Variants in MSH3 observed in about 807,000 individuals in gnomAD.
The protein encoded by MSH3 is DNA mismatch repair protein Msh3.
Under a neutral mutation model 123.3 loss-of-function variants are expected in MSH3, and 106 were observed. That is an observed-to-expected ratio of 0.86 (90% confidence interval 0.73 to 1.01). MSH3 has a LOEUF of 1.01. Among genes scored for constraint, MSH3 ranks in the 50% least tolerant of loss-of-function variants. MSH3 has a pLI of 0.00. For synonymous variants in MSH3, 515 were observed against 481.4 expected, an observed-to-expected ratio of 1.07 and a Z score of -0.91; for missense variants, 1,459 against 1,347.6, an observed-to-expected ratio of 1.08 and a Z score of -1.29.
intron 13 of MSH3, 126 bp from the exon 14 acceptor site, chr5:80,767,807 T>G: frequency 2.9e-6 from 2 of 688,662 alleles, no homozygotes. Flanking sequence ...GATATTTTAT[T>G]TCAACTAACT....
intron 10 of MSH3, among the ~76,000 whole-genome samples, chr5:80,731,194 T>G (rs1241267577): frequency 6.6e-6 from 1 of 152,102 alleles, no homozygotes; most frequent in Non-Finnish European, 1.5e-5. Context: ...TGAGCCACCG[T>G]GTCCGGCCTG....
At chr5:80,699,700 A>G (rs1359415858) in intron 8 of MSH3, among the ~76,000 whole-genome samples, 3 of 152,104 alleles carry the variant, frequency 2.0e-5, no homozygotes, top group Admixed American at 6.5e-5. Flanking sequence ...TGGAAAGATC[A>G]TATTGATTTC....
chr5:80,718,162 AAT>A (rs1476035623), intron 8 of MSH3, among the ~76,000 whole-genome samples: 1 of 152,220 alleles, frequency 6.6e-6, no homozygotes, highest in African/African-American at 2.4e-5. Flanking sequence ...CCCTCAGAGG[AAT>A]CATGATCCTG....
chr5:80,869,825 C>T (rs996783837), intron 22 of MSH3, among the ~76,000 whole-genome samples: 20 of 86,914 alleles, frequency 2.3e-4, no homozygotes, highest in Non-Finnish European at 1.9e-4. Context: ...TATATATATA[C>T]ATATATACAT....
chr5:80,714,427 C>T (rs1003104350), intron 8 of MSH3, among the ~76,000 whole-genome samples: 4 of 152,054 alleles, frequency 2.6e-5, no homozygotes, highest in South Asian at 2.1e-4. Flanking sequence ...TGAGCCACCA[C>T]GTCTGGCCCA....
chr5:80,873,045 A>G, intron 22 of MSH3, 71 bp from the exon 23 acceptor site: 4 of 1,309,216 alleles, frequency 3.1e-6, no homozygotes, highest in Middle Eastern at 1.8e-4. Context: ...GAGAACTTAC[A>G]TGTCCTTTTT....
chr5:80,864,776 AAAATG>A (rs75012952), intron 21 of MSH3, 32 bp from the exon 22 acceptor site: 1 of 1,374,414 alleles, frequency 7.3e-7, no homozygotes, highest in African/African-American at 1.4e-5. Flanking sequence ...ATAAAATTTA[AAAATG>A]AAATAACATT....
chr5:80,804,048 G>A lies in MSH3; in HGVS notation c.2656-9536G>A, dbSNP rs546584342. ...GCTTTGGCTATTCAGATCCTTTTGTGTTTCCATATAAATTTTAGGATTATT... is the reference window on the plus strand; with the variant it reads ...GCTTTGGCTATTCAGATCCTTTTGTATTTCCATATAAATTTTAGGATTATT... On this transcript the variant is annotated intron_variant, in intron 19 of 23. Transcript: ENST00000265081. Among the ~76,000 whole-genome samples the A allele has an allele frequency of 5.9e-5, 9 of 152,204 alleles. No individual in the cohort carries two copies. The South Asian group carries it at 1.9e-3, about 32-fold the overall frequency.
chr5:80,779,228 A>G (rs900928687), intron 17 of MSH3, among the ~76,000 whole-genome samples: 4 of 151,966 alleles, frequency 2.6e-5, no homozygotes, highest in Admixed American at 6.6e-5. Context: ...CCTGACCTCA[A>G]GTGATCCGCC....
chr5:80,743,097 G>A (rs1743646836), intron 11 of MSH3, among the ~76,000 whole-genome samples: 1 of 152,054 alleles, frequency 6.6e-6, no homozygotes. Flanking sequence ...ATGGAAAGAG[G>A]TGCAGGGTAG....
intron 20 of MSH3, among the ~76,000 whole-genome samples, chr5:80,828,000 C>T (rs917409481): frequency 1.3e-5 from 2 of 152,156 alleles, no homozygotes; most frequent in Non-Finnish European, 2.9e-5. Context: ...CAGCCTCCCC[C>T]ATTTTCAGCA....
intron 19 of MSH3, among the ~76,000 whole-genome samples, chr5:80,808,873 A>ATATATATATATATATATATATATATG (rs754318556): frequency 2.2e-5 from 3 of 137,038 alleles, no homozygotes; most frequent in African/African-American, 5.4e-5. Flanking sequence ...ATATATATAT[A>ATATATATATATATATATATATATATG]TATATATATA....
At chr5:80,680,202 A>G (rs1749944451) in intron 8 of MSH3, among the ~76,000 whole-genome samples, 1 of 151,868 alleles carries the variant, frequency 6.6e-6, no homozygotes, top group Non-Finnish European at 1.5e-5. Context: ...AGAGGTTGCA[A>G]TGAGCCAAGA....
chr5:80,759,446 C>T (rs1442283825), intron 12 of MSH3, among the ~76,000 whole-genome samples: 1 of 152,166 alleles, frequency 6.6e-6, no homozygotes, highest in African/African-American at 2.4e-5. Flanking sequence ...ATGAGAAAGC[C>T]TCCATGTCAG....
intron 21 of MSH3, among the ~76,000 whole-genome samples, chr5:80,858,721 T>C (rs2112111628): frequency 6.6e-6 from 1 of 152,276 alleles, no homozygotes; most frequent in African/African-American, 2.4e-5. Flanking sequence ...TGATGTCTAG[T>C]TGATTGATGG....
In MSH3 at chr5:80,675,176, T is replaced by C. The variant is rs748719147; in HGVS notation, c.1173+48T>C. The C allele has an allele frequency of 7.6e-6, 12 of 1,578,060 alleles. No homozygotes were observed. In the Admixed American group the frequency reaches 1.5e-4, roughly 20 times the overall value. On this transcript the variant is annotated intron_variant, in intron 7 of 23. Coordinates refer to ENST00000265081, the MANE Select transcript of MSH3 (RefSeq NM_002439.5). ...ACAAATGTTAGATGTTCATGGTATCTCTAAATATGATCTATCATGTATGGT... is the reference window on the plus strand; with the variant it reads ...ACAAATGTTAGATGTTCATGGTATCCCTAAATATGATCTATCATGTATGGT...
chr5:80,841,215 T>C (rs189829), intron 20 of MSH3, among the ~76,000 whole-genome samples: 1 of 152,108 alleles, frequency 6.6e-6, no homozygotes, highest in Admixed American at 6.5e-5. Context: ...TCATCCATGT[T>C]CCTACAAAGT....
At chr5:80,708,994 C>T (rs1265476972) in intron 8 of MSH3, among the ~76,000 whole-genome samples, 1 of 152,072 alleles carries the variant, frequency 6.6e-6, no homozygotes. Flanking sequence ...AGGCTGGTCT[C>T]AAACTCCTGA....
Position 80,861,586 on chromosome 5 carries a change from T to G in MSH3, c.3001-3227T>G, listed in dbSNP as rs147583904. 7.9e-4 allele frequency among the ~76,000 whole-genome samples: 120 copies of G among 152,336 alleles called. 1 individual carries two copies. Among genetic ancestry groups the G allele is most frequent in the African/African-American group, 2.7e-3 (114 of 41,580 alleles). Reference sequence around the variant, plus strand: ...TAGTTCTTTCTTTCTTCCCCTTGCCTGAAGCATAAGGGGAATTTACTCCAG... The same window carrying G: ...TAGTTCTTTCTTTCTTCCCCTTGCCGGAAGCATAAGGGGAATTTACTCCAG... On this transcript the variant is annotated intron_variant, in intron 21 of 23. Coordinates refer to ENST00000265081, the MANE Select transcript of MSH3 (RefSeq NM_002439.5).
Sources: gnomAD v4.1 joint callset for allele counts (sites outside exome capture counted in the v4.1 genomes callset) on GRCh38, gnomAD v4.1.1 for gene constraint, MANE v1.5 for transcripts, NCBI Gene and HGNC (gene_info 2026-07-23, HGNC 2026-07-21) for gene names.